The following CASS4 variants were observed in gnomAD, a reference collection of about 807,000 sequenced individuals.
CASS4 encodes the protein Cas scaffold protein family member 4, also known as cas scaffolding protein family member 4.
In CASS4, 22 loss-of-function variants were observed where a neutral mutation model predicts 54.2. The ratio of observed to expected loss-of-function variants is 0.41; its 90% CI spans 0.29 to 0.58. The LOEUF (loss-of-function observed/expected upper bound fraction) is 0.58, where lower values mean the gene tolerates loss of function less well. Ranked by LOEUF, CASS4 falls within the 20% of genes least tolerant of loss-of-function variation. The pLI is 0.36. For synonymous variants in CASS4, 409 were observed against 391.5 expected (o/e 1.04, Z -0.53); for missense variants, 854 against 986.7 (o/e 0.87, Z 1.80).
Position 56,459,450 on chromosome 20 carries a change from C to A in CASS4, c.*703C>A. 1 of 272,492 alleles carries A rather than the reference C, an allele frequency of 3.7e-6. No homozygotes were observed. The highest frequency in any genetic ancestry group is 5.1e-5 in the South Asian group (1 of 19,706). 16.9% of individuals were successfully genotyped at this position (272,492 alleles called of 1,614,324 possible). A position where few individuals can be genotyped will look rare whatever the true frequency, so the allele number is the denominator to read the frequency against. ...TCCTTATAGGGCTAGCTTGGTTCTTCTTCAATGTCTCCTTTTGGAGTTGTA... is the reference window on the plus strand; with the variant it reads ...TCCTTATAGGGCTAGCTTGGTTCTTATTCAATGTCTCCTTTTGGAGTTGTA... On this transcript the variant is annotated 3_prime_UTR_variant, in exon 6 of 6. Transcript: ENST00000679887.
chr20:56,437,624 G>C lies in CASS4; in HGVS notation c.459+38G>C, dbSNP rs762343914. 8.7e-6 allele frequency: 13 copies of C among 1,494,396 alleles called. No homozygotes were observed. The highest frequency in any genetic ancestry group is 1.1e-5 in the Non-Finnish European group (12 of 1,117,220). The allele number at this position is 1,494,396 out of a possible 1,614,324, so 92.6% of individuals were successfully genotyped here. A position where few individuals can be genotyped will look rare whatever the true frequency, so the allele number is the denominator to read the frequency against. On this transcript the variant is annotated intron_variant, in intron 2 of 5. Coordinates refer to ENST00000679887, the MANE Select transcript of CASS4 (RefSeq NM_020356.4). The surrounding 1 kb of genome is among the most constrained non-coding windows in gnomAD (Gnocchi z 4.7). Reference sequence around the variant, plus strand: ...CCACCTACTAGACATGGGTTGAGGGGTATGGAAACACCCAGAGGCCTAACT... The same window carrying C: ...CCACCTACTAGACATGGGTTGAGGGCTATGGAAACACCCAGAGGCCTAACT...
chr20:56,456,202 C>T lies in CASS4; in HGVS notation c.1954-2138C>T, dbSNP rs1048921476. 2.6e-5 allele frequency among the ~76,000 whole-genome samples: 4 copies of T among 152,084 alleles called. No individual in the cohort carries two copies. In the South Asian group the frequency reaches 6.2e-4, roughly 24 times the overall value. Reference sequence around the variant, plus strand: ...CGTTCAGCATCCCAGAACCCCTGCCCGCTCACTGCCTATAGAAGTCCCTAG... The same window carrying T: ...CGTTCAGCATCCCAGAACCCCTGCCTGCTCACTGCCTATAGAAGTCCCTAG... On this transcript the variant is annotated intron_variant, in intron 5 of 5. Coordinates refer to ENST00000679887, the MANE Select transcript of CASS4 (RefSeq NM_020356.4).
rs1394591224 is a variant in CASS4 at position 56,437,642 on chromosome 20, G to A, written c.459+56G>A. On this transcript the variant is annotated intron_variant, in intron 2 of 5. Coordinates refer to ENST00000679887, the MANE Select transcript of CASS4 (RefSeq NM_020356.4). This position sits in a 1 kb window ranked among gnomAD's most constrained non-coding sequence, Gnocchi z 4.7. ...TTGAGGGGTATGGAAACACCCAGAG[G>A]CCTAACTACCTCTTGAGGCATGGGT... 7.0e-7 allele frequency: 1 copy of A among 1,434,362 alleles called. No homozygotes were observed. Among genetic ancestry groups the A allele is most frequent in the East Asian group, 2.4e-5 (1 of 41,954 alleles). 88.9% of individuals were successfully genotyped at this position (1,434,362 alleles called of 1,614,324 possible). A position where few individuals can be genotyped will look rare whatever the true frequency, so the allele number is the denominator to read the frequency against.
At chr20:56,448,571 C>T (rs1382918045) in intron 3 of CASS4, among the ~76,000 whole-genome samples, 3 of 152,098 alleles carry the variant, frequency 2.0e-5, no homozygotes, top group African/African-American at 4.8e-5. Context: ...AGGCAACCCC[C>T]GCTACACCGC....
intron 1 of CASS4, among the ~76,000 whole-genome samples, chr20:56,436,360 G>GTGTGTGTA (rs560837211): frequency 2.5e-4 from 34 of 137,862 alleles, no homozygotes; most frequent in South Asian, 6.9e-4. Context: ...GTGTGTGTGT[G>GTGTGTGTA]TATATATATA....
Position 56,420,210 on chromosome 20 carries a change from A to G in CASS4, c.36+7716A>G, listed in dbSNP as rs76381508. Among the ~76,000 whole-genome samples, 377 of 152,250 alleles carry G rather than the reference A, an allele frequency of 2.5e-3. 2 individuals carry two copies. Among genetic ancestry groups the G allele is most frequent in the African/African-American group, 8.8e-3 (365 of 41,536 alleles). ...TTCCTTTGAACAACTGCTTCACCTT[A>G]TCATCAAGAGCAGCTTTTGTTTGCT... On this transcript the variant is annotated intron_variant, in intron 1 of 5. Coordinates refer to ENST00000679887, the MANE Select transcript of CASS4 (RefSeq NM_020356.4).
rs1391111160 is a variant in CASS4, at chr20:56,437,289, T to C, written c.162T>C (p.Cys54=). The C allele has an allele frequency of 6.2e-7, 1 of 1,614,068 alleles. No homozygotes were observed. Among genetic ancestry groups the C allele is most frequent in the Admixed American group, 1.7e-5 (1 of 60,022 alleles). Residue 54 remains cysteine, a synonymous_variant, in exon 2 of 6, where the codon TGT becomes TGC. Transcript: ENST00000679887. This position sits in a 1 kb window ranked among gnomAD's most constrained non-coding sequence, Gnocchi z 4.7. ...CAGAAAGCGAGGGTTGGTGGAAGTG[T>C]TTGCTCCATGGGAGGCAAGGCCTGG... is the stretch of plus-strand genomic sequence containing the variant. The part of the protein sequence containing the change: ...HVPESEGWWK[C]LLHGRQGLAP...
chr20:56,455,026 G>A (rs567431213), intron 5 of CASS4, among the ~76,000 whole-genome samples: 8 of 152,086 alleles, frequency 5.3e-5, no homozygotes, highest in South Asian at 4.2e-4. Context: ...GACTGACTCC[G>A]TTCCTCTTTG....
chr20:56,412,494 G>C lies in CASS4; in HGVS notation c.36G>C (p.Lys12Asn), dbSNP rs1046975336. The C allele has an allele frequency of 6.2e-7, 1 of 1,612,166 alleles. No individual in the cohort carries two copies. Among genetic ancestry groups the C allele is most frequent in the African/African-American group, 1.3e-5 (1 of 75,026 alleles). Residue 12 changes from lysine (K) to asparagine (N), a missense_variant and splice_region_variant, in exon 1 of 6, where the codon AAG becomes AAC. Physicochemically the swap from Lys to Asn is moderately conservative, Grantham distance 94. Transcript: ENST00000679887. This position sits in a 1 kb window ranked among gnomAD's most constrained non-coding sequence, Gnocchi z 4.2. ...KGTGIMDCAPKALLARALYDN... is the reference protein window; with the variant it reads ...KGTGIMDCAPNALLARALYDN... ...CAGGCATCATGGACTGTGCGCCCAA[G>C]GTGAGTGATGTGGGGCTGTTTGAAT... is the stretch of plus-strand genomic sequence containing the variant.
intron 1 of CASS4, among the ~76,000 whole-genome samples, chr20:56,413,460 G>T (rs1056886312): frequency 5.3e-5 from 8 of 151,796 alleles, no homozygotes; most frequent in Admixed American, 4.6e-4. Flanking sequence ...ATCACTTGAG[G>T]CCAGGAGTTT....
chr20:56,456,196 C>G (rs184873002), intron 5 of CASS4, among the ~76,000 whole-genome samples: 4 of 152,046 alleles, frequency 2.6e-5, no homozygotes, highest in African/African-American at 7.2e-5. Context: ...TCCCAGAACC[C>G]CTGCCCGCTC....
At chr20:56,432,219 C>A (rs1979938218) in intron 1 of CASS4, among the ~76,000 whole-genome samples, 1 of 152,056 alleles carries the variant, frequency 6.6e-6, no homozygotes, top group African/African-American at 2.4e-5. Context: ...GATAATAAAC[C>A]TTTCAGATTA....
intron 2 of CASS4, among the ~76,000 whole-genome samples, chr20:56,444,979 A>G: frequency 6.6e-6 from 1 of 152,114 alleles, no homozygotes. Context: ...GCATGGAGGC[A>G]TGTGCCTGTA....
Position 56,451,404 on chromosome 20 carries a change from A to G in CASS4, c.643-415A>G, listed in dbSNP as rs1200761322. ...ATTCTACCACATGTGTCCCACAGAC[A>G]CACTTACACCCAAGGTCATTAGGGA... On this transcript the variant is annotated intron_variant, in intron 4 of 5. Coordinates refer to ENST00000679887, the MANE Select transcript of CASS4 (RefSeq NM_020356.4). 2.6e-5 allele frequency among the ~76,000 whole-genome samples: 4 copies of G among 152,208 alleles called. No individual in the cohort carries two copies. The East Asian group carries it at 7.7e-4, about 29-fold the overall frequency.
In CASS4 at chr20:56,437,553, C is replaced by A; in HGVS notation, c.426C>A (p.Ile142=). The change falls in exon 2 of 6, where the codon ATC becomes ATA. Residue 142 remains isoleucine (I), a synonymous_variant. Coordinates refer to ENST00000679887, the MANE Select transcript of CASS4 (RefSeq NM_020356.4). This position sits in a 1 kb window ranked among gnomAD's most constrained non-coding sequence, Gnocchi z 4.7. ...CCGACCCTCCCACCAGTGCCAGAATCATCTGTGAAAAGACTCTCAGCTTTC... is the reference window on the plus strand; with the variant it reads ...CCGACCCTCCCACCAGTGCCAGAATAATCTGTGAAAAGACTCTCAGCTTTC... ...EFPDPPTSAR[I]ICEKTLSFPK... The A allele has an allele frequency of 6.4e-7, 1 of 1,555,966 alleles. No homozygotes were observed. Among genetic ancestry groups the A allele is most frequent in the Admixed American group, 2.0e-5 (1 of 50,060 alleles).
In CASS4 at chr20:56,430,005, T is replaced by A. The variant is rs1979828729; in HGVS notation, c.37-7159T>A. Among the ~76,000 whole-genome samples, 1 of 152,218 alleles carries A rather than the reference T, an allele frequency of 6.6e-6. No individual in the cohort carries two copies. Among genetic ancestry groups the A allele is most frequent in the Admixed American group, 6.5e-5 (1 of 15,280 alleles). On this transcript the variant is annotated intron_variant, in intron 1 of 5. Transcript: ENST00000679887. The surrounding 1 kb of genome is among the most constrained non-coding windows in gnomAD (Gnocchi z 4.2). ...AGAATTTGTCTCCTCCACTAACATGTACATGGCATGAGATCAGAAACAGTT... is the reference window on the plus strand; with the variant it reads ...AGAATTTGTCTCCTCCACTAACATGAACATGGCATGAGATCAGAAACAGTT...
At chr20:56,417,844 AT>A (rs1366199371) in intron 1 of CASS4, among the ~76,000 whole-genome samples, 4 of 152,154 alleles carry the variant, frequency 2.6e-5, no homozygotes, top group African/African-American at 4.8e-5. Flanking sequence ...TCTCTTGACA[AT>A]TGTCCCCCTC....
chr20:56,417,569 A>C (rs2146262089), intron 1 of CASS4, among the ~76,000 whole-genome samples: 1 of 152,360 alleles, frequency 6.6e-6, no homozygotes, highest in African/African-American at 2.4e-5. Context: ...CATGAGGGAC[A>C]GACCTGGGCT....
intron 1 of CASS4, among the ~76,000 whole-genome samples, chr20:56,432,040 A>G (rs1271079559): frequency 2.1e-4 from 32 of 152,222 alleles, no homozygotes; most frequent in Admixed American, 2.1e-3. Context: ...ATAGGGAATC[A>G]ATGAAATGTT....
Sources: allele counts gnomAD v4.1 joint callset (sites outside exome capture counted in the v4.1 genomes callset), GRCh38; gene constraint gnomAD v4.1.1; non-coding constraint Gnocchi (gnomAD v3.1); transcripts MANE v1.5; gene names NCBI Gene and HGNC (gene_info 2026-07-23, HGNC 2026-07-21).